The following AIG1 variants were observed in gnomAD, a reference collection of about 807,000 sequenced individuals.
The protein encoded by AIG1 is androgen induced 1, also known as androgen-induced gene 1 protein.
Under a neutral mutation model 31.4 loss-of-function variants are expected in AIG1, and 23 were observed. That is an observed-to-expected ratio of 0.73 (90% CI 0.53 to 1.04). AIG1 has a LOEUF of 1.04. Among genes scored for constraint, AIG1 ranks in the 50% least tolerant of loss-of-function variants. The pLI is 0.00. For missense variants in AIG1, 274 were observed against 295.0 expected, an observed-to-expected ratio of 0.93 and a Z score of 0.52; for synonymous variants, 100 against 110.5, an observed-to-expected ratio of 0.90 and a Z score of 0.60.
At chr6:143,270,844 T>C (rs535032680) in intron 3 of AIG1, among the ~76,000 whole-genome samples, 1 of 152,356 alleles carries the variant, frequency 6.6e-6, no homozygotes, top group East Asian at 1.9e-4. Context: ...TGCTTGTGTG[T>C]GTGTGCATGG....
At chr6:143,233,628 G>C (rs1793613081) in intron 3 of AIG1, among the ~76,000 whole-genome samples, 1 of 150,834 alleles carries the variant, frequency 6.6e-6, no homozygotes, top group African/African-American at 2.4e-5. Context: ...CTGATGTGTA[G>C]AAAACAGAAG....
At chr6:143,067,671 T>C (rs1448565983) in intron 1 of AIG1, among the ~76,000 whole-genome samples, 5 of 152,180 alleles carry the variant, frequency 3.3e-5, no homozygotes, top group Non-Finnish European at 7.3e-5. Flanking sequence ...AAATAGGAAA[T>C]AAAATACCTT....
chr6:143,224,154 C>T (rs1488923217), intron 3 of AIG1, among the ~76,000 whole-genome samples: 1 of 152,206 alleles, frequency 6.6e-6, no homozygotes, highest in Non-Finnish European at 1.5e-5. Flanking sequence ...GCACACAAAT[C>T]TGTAACTAGA....
chr6:143,229,784 C>CAAA (rs751464049), intron 3 of AIG1, among the ~76,000 whole-genome samples: 12,082 of 79,244 alleles, frequency 0.15, 562 homozygotes, highest in South Asian at 0.2. Context: ...ACTCTCAGAA[C>CAAA]AAAAAAAAAA....
chr6:143,273,442 T>A (rs1562545832), intron 3 of AIG1, among the ~76,000 whole-genome samples: 1 of 152,210 alleles, frequency 6.6e-6, no homozygotes, highest in Non-Finnish European at 1.5e-5. Context: ...GAACACCTAC[T>A]TGAGTTTCAC....
At chr6:143,260,476 TTA>T (rs1483454260) in intron 3 of AIG1, among the ~76,000 whole-genome samples, 1 of 152,220 alleles carries the variant, frequency 6.6e-6, no homozygotes, top group African/African-American at 2.4e-5. Context: ...AGTTTTTCAT[TTA>T]TCCATGATAA....
chr6:143,129,950 T>G (rs1234395305), intron 1 of AIG1, among the ~76,000 whole-genome samples: 78 of 150,724 alleles, frequency 5.2e-4, no homozygotes, highest in Middle Eastern at 6.8e-3. Context: ...TTTTTTTTTT[T>G]GGACGATGTC....
At chr6:143,061,162 C>T in intron 1 of AIG1, 96 bp downstream of exon 1, 1 of 1,463,366 alleles carries the variant, frequency 6.8e-7, no homozygotes, top group Non-Finnish European at 9.5e-7. Flanking sequence ...GCGCGAGCAC[C>T]TGCGCACGTG....
rs745560148 is a variant in AIG1 at position 143,165,194 on chromosome 6, T to A, written c.399+11T>A. On this transcript the variant is annotated intron_variant, in intron 3 of 5. Transcript: ENST00000357847. The stretch of plus-strand genomic sequence containing the variant: ...CTGAATCACGGAATGGTGAGTGGAT[T>A]AAAACAAACGGCTTTCTTTTATTTT... 6.3e-7 allele frequency: 1 copy of A among 1,583,928 alleles called. No individual in the cohort carries two copies. Among genetic ancestry groups the A allele is most frequent in the Non-Finnish European group, 8.7e-7 (1 of 1,153,234 alleles).
chr6:143,133,048 G>A (rs1179092323), intron 1 of AIG1, among the ~76,000 whole-genome samples: 1 of 151,642 alleles, frequency 6.6e-6, no homozygotes, highest in Non-Finnish European at 1.5e-5. Context: ...TTATTGAATG[G>A]CTTTTATTTT....
intron 3 of AIG1, among the ~76,000 whole-genome samples, chr6:143,206,358 A>C (rs990448119): frequency 6.6e-6 from 1 of 152,218 alleles, no homozygotes; most frequent in African/African-American, 2.4e-5. Context: ...AAAATCTGGA[A>C]TAATATTTTT....
intron 3 of AIG1, among the ~76,000 whole-genome samples, chr6:143,243,039 T>A (rs973428704): frequency 3.3e-5 from 5 of 152,200 alleles, no homozygotes; most frequent in Non-Finnish European, 7.3e-5. Flanking sequence ...CCATCCTAGA[T>A]CTACAAAATG....
Position 143,216,646 on chromosome 6 carries a change from A to G in AIG1, c.399+51463A>G, listed in dbSNP as rs556952087. ...ACTTATCCTGTGAATGCAGAACAAC[A>G]TAGTACAGATCAGGAATGGCAAATT... On this transcript the variant is annotated intron_variant, in intron 3 of 5. Transcript: ENST00000357847. 2.6e-5 allele frequency among the ~76,000 whole-genome samples: 4 copies of G among 152,356 alleles called. No individual in the cohort carries two copies. In the East Asian group the frequency reaches 5.8e-4, roughly 22 times the overall value.
At chr6:143,077,003 C>T (rs929859780) in intron 1 of AIG1, among the ~76,000 whole-genome samples, 2 of 152,210 alleles carry the variant, frequency 1.3e-5, no homozygotes, top group East Asian at 1.9e-4. Flanking sequence ...CTTTATCTGT[C>T]GGCTGTTTGT....
At chr6:143,339,098 A>G (rs1350463707) in intron 5 of AIG1, 1 of 152,344 alleles carries the variant, frequency 6.6e-6, no homozygotes, top group Non-Finnish European at 1.5e-5. Context: ...ATTGCAGTTT[A>G]AGATTCATGA....
In AIG1 at chr6:143,284,173, A is replaced by C; in HGVS notation, c.463A>C (p.Arg155=). ...GACATCGCACCATCAGTATCCCAGC[A>C]GGAGCAGCGGACTTACCGCCATATG... ...MRTSHHQYPS[R]SSGLTAICTF... is the part of the protein sequence containing the mutation. The change falls in exon 4 of 6, where the codon AGG becomes CGG. Residue 155 remains arginine (R), a synonymous_variant. Coordinates refer to ENST00000357847, the MANE Select transcript of AIG1 (RefSeq NM_016108.4). This position sits in a 1 kb window ranked among gnomAD's most constrained non-coding sequence, Gnocchi z 4.4. The C allele has an allele frequency of 6.2e-7, 1 of 1,614,140 alleles. No individual in the cohort carries two copies. The highest frequency in any genetic ancestry group is 1.1e-5 in the South Asian group (1 of 91,074).
At position 143,288,130 on chromosome 6, in the gene AIG1, G is replaced by A. The variant is rs530597977; in HGVS notation, c.515+3905G>A. ...GCCGTCTGGGGCTGAATCTTTTCCCGGGCTGGCTCCACCCTCACTTCCAAG... is the reference window on the plus strand; with the variant it reads ...GCCGTCTGGGGCTGAATCTTTTCCCAGGCTGGCTCCACCCTCACTTCCAAG... On this transcript the variant is annotated intron_variant, in intron 4 of 5. Transcript: ENST00000357847. This position sits in a 1 kb window ranked among gnomAD's most constrained non-coding sequence, Gnocchi z 4.4. Among the ~76,000 whole-genome samples, 2 of 152,108 alleles carry A rather than the reference G, an allele frequency of 1.3e-5. No individual in the cohort carries two copies. The highest frequency in any genetic ancestry group is 2.1e-4 in the South Asian group (1 of 4,800).
chr6:143,243,129 T>C (rs1053475274), intron 3 of AIG1, among the ~76,000 whole-genome samples: 1 of 152,236 alleles, frequency 6.6e-6, no homozygotes, highest in Non-Finnish European at 1.5e-5. Flanking sequence ...ATAAATTCAC[T>C]ATCTTCCTTT....
Position 143,333,991 on chromosome 6 carries a change from C to G in AIG1, c.679+546C>G. 7.0e-7 allele frequency: 1 copy of G among 1,436,754 alleles called. No homozygotes were observed. The highest frequency in any genetic ancestry group is 1.3e-5 in the South Asian group (1 of 79,592). 89.0% of individuals were successfully genotyped at this position (1,436,754 alleles called of 1,614,324 possible). On this transcript the variant is annotated intron_variant, in intron 5 of 5. Transcript: ENST00000357847. The surrounding 1 kb of genome is among the most constrained non-coding windows in gnomAD (Gnocchi z 4.6). ...CGGAAAGTCTGAAAGTGGCAAAGAGCTACAAGCAGTAAAAGATAATATTTC... is the reference window on the plus strand; with the variant it reads ...CGGAAAGTCTGAAAGTGGCAAAGAGGTACAAGCAGTAAAAGATAATATTTC...
Sources: allele counts gnomAD v4.1 joint callset (sites outside exome capture counted in the v4.1 genomes callset), GRCh38; gene constraint gnomAD v4.1.1; non-coding constraint Gnocchi (gnomAD v3.1); transcripts MANE v1.5; gene names NCBI Gene and HGNC (gene_info 2026-07-23, HGNC 2026-07-21).